The following PCDHA6 variants were observed in gnomAD, a reference collection of about 807,000 sequenced individuals.
PCDHA6 encodes the protein protocadherin alpha 6.
PCDHA6 carries 55 observed loss-of-function variants against 60.3 expected under a neutral mutation model. That is an observed-to-expected ratio of 0.91 (90% CI 0.73 to 1.14). The LOEUF is 1.14. PCDHA6 is among the 50% of genes most tolerant of loss of function. PCDHA6 has a pLI of 0.00. For synonymous variants in PCDHA6, 652 were observed against 557.9 expected (o/e 1.17, Z -2.38); for missense variants, 1,327 against 1,256.5 (o/e 1.06, Z -0.85).
At chr5:140,902,854 C>T (rs186872091) in intron 1 of PCDHA6, among the ~76,000 whole-genome samples, 154 of 152,240 alleles carry the variant, frequency 1.0e-3, no homozygotes, top group Middle Eastern at 3.4e-3. Flanking sequence ...AGAAAAATGG[C>T]GTCCAGGTCC....
intron 1 of PCDHA6, chr5:140,865,693 C>T (rs1274401482): frequency 6.6e-6 from 1 of 152,076 alleles, no homozygotes; most frequent in South Asian, 2.1e-4. Context: ...TATGACTGTT[C>T]CAATTTGAAA....
At chr5:140,856,185 G>T (rs1554148335) in intron 1 of PCDHA6, 1 of 1,598,044 alleles carries the variant, frequency 6.3e-7, no homozygotes, top group Non-Finnish European at 8.6e-7. Context: ...TTCGTGGGCC[G>T]CATCGCGCAG....
At chr5:140,906,589 C>T (rs2072764004) in intron 1 of PCDHA6, among the ~76,000 whole-genome samples, 1 of 152,220 alleles carries the variant, frequency 6.6e-6, no homozygotes, top group South Asian at 2.1e-4. Context: ...TGACTACCTT[C>T]CTCTACTACT....
intron 1 of PCDHA6, chr5:140,864,944 T>C (rs1359231248): frequency 1.3e-5 from 2 of 152,162 alleles, no homozygotes; most frequent in Non-Finnish European, 2.9e-5. Flanking sequence ...AGGCCTGTAA[T>C]CCCAGCATTT....
chr5:140,954,599 C>T (rs1554221480), intron 1 of PCDHA6, among the ~76,000 whole-genome samples: 1 of 152,042 alleles, frequency 6.6e-6, no homozygotes, highest in East Asian at 1.9e-4. Flanking sequence ...ATGTTCTTTG[C>T]CCACTTTTTA....
intron 1 of PCDHA6, among the ~76,000 whole-genome samples, chr5:140,925,279 C>T (rs1477579286): frequency 6.6e-6 from 1 of 152,058 alleles, no homozygotes; most frequent in African/African-American, 2.4e-5. Context: ...TCAGATTTTG[C>T]CTTTCAAATG....
intron 1 of PCDHA6, chr5:140,836,465 G>C (rs2150261625): frequency 6.2e-7 from 1 of 1,613,860 alleles, no homozygotes; most frequent in Admixed American, 1.7e-5. Context: ...CCGAGCTGGT[G>C]GATGTCAACG....
rs1361440512 is a variant in PCDHA6, at chr5:140,875,201, G to A, written c.2394+44716G>A. 5.0e-5 allele frequency: 30 copies of A among 595,474 alleles called. No homozygotes were observed. The East Asian group carries it at 1.1e-3, about 21-fold the overall frequency. 36.9% of individuals were successfully genotyped at this position (595,474 alleles called of 1,614,324 possible). A position where few individuals can be genotyped will look rare whatever the true frequency, so the allele number is the denominator to read the frequency against. On this transcript the variant is annotated intron_variant, in intron 1 of 3. Coordinates refer to ENST00000529310, the MANE Select transcript of PCDHA6 (RefSeq NM_018909.4). ...AGAATTAAGAGTGACCCAGGAAGTG[G>A]CTAAACCGAAAAGAACCTCAGGATC... is the stretch of plus-strand genomic sequence containing the variant.
In PCDHA6 at chr5:140,927,810, GGAGGCATACATT is replaced by G. The variant is rs782126534; in HGVS notation, c.2395-51133_2395-51122del. Reference sequence around the variant, plus strand: ...CACTAGGTCCGCCTGAAACGCTCTTGGAGGCATACATTGAGGCGAGGGACGAAGGTGTCTTTG... The same window carrying G: ...CACTAGGTCCGCCTGAAACGCTCTTGGAGGCGAGGGACGAAGGTGTCTTTG... On this transcript the variant is annotated intron_variant, in intron 1 of 3. Transcript: ENST00000529310. 3.7e-6 allele frequency: 6 copies of G among 1,614,082 alleles called. No individual in the cohort carries two copies. The South Asian group carries it at 6.6e-5, about 18-fold the overall frequency.
At chr5:140,898,706 G>T (rs1554188200) in intron 1 of PCDHA6, among the ~76,000 whole-genome samples, 1 of 152,170 alleles carries the variant, frequency 6.6e-6, no homozygotes, top group Admixed American at 6.5e-5. Context: ...CTTTAAAGTA[G>T]TTTTTTCCAA....
chr5:140,910,661 A>G (rs1289499574), intron 1 of PCDHA6, among the ~76,000 whole-genome samples: 1 of 152,186 alleles, frequency 6.6e-6, no homozygotes, highest in Non-Finnish European at 1.5e-5. Context: ...CTTCCTCTAC[A>G]TTAAACCAAG....
At chr5:140,926,863 G>T (rs2083606655) in intron 1 of PCDHA6, 6 of 1,523,054 alleles carry the variant, frequency 3.9e-6, no homozygotes, top group Non-Finnish European at 5.3e-6. Flanking sequence ...GGTGTAGCGT[G>T]TTGGTGGAAC....
At chr5:140,869,850 G>A in intron 1 of PCDHA6, 1 of 1,610,774 alleles carries the variant, frequency 6.2e-7, no homozygotes, top group South Asian at 1.1e-5. Flanking sequence ...AATATAAGGT[G>A]AGCCTTATGG....
rs905171455 is a variant in PCDHA6 at position 140,851,815 on chromosome 5, A to G, written c.2394+21330A>G. The G allele has an allele frequency of 3.6e-5, 34 of 956,734 alleles. 1 individual carries two copies. Among genetic ancestry groups the G allele is most frequent in the Non-Finnish European group, 5.1e-6 (4 of 790,598 alleles). The allele number at this position is 956,734 out of a possible 1,614,324, so 59.3% of individuals were successfully genotyped here. Reference sequence around the variant, plus strand: ...TTGTTCTGTCAGTAATCCATAAGACAGAAATCTGTTTTTTTAAAAATATCT... The same window carrying G: ...TTGTTCTGTCAGTAATCCATAAGACGGAAATCTGTTTTTTTAAAAATATCT... On this transcript the variant is annotated intron_variant, in intron 1 of 3. Coordinates refer to ENST00000529310, the MANE Select transcript of PCDHA6 (RefSeq NM_018909.4).
At chr5:140,843,243 A>T in intron 1 of PCDHA6, 1 of 1,595,128 alleles carries the variant, frequency 6.3e-7, no homozygotes, top group Non-Finnish European at 8.6e-7. Flanking sequence ...GACGAAGCGG[A>T]CTCTCCGCGC....
intron 1 of PCDHA6, chr5:140,882,302 C>T (rs2059055627): frequency 1.2e-6 from 2 of 1,613,794 alleles, no homozygotes; most frequent in Non-Finnish European, 8.5e-7. Context: ...CCCAAGACCG[C>T]GGCAACTACT....
At chr5:140,916,163 C>G (rs546851152) in intron 1 of PCDHA6, among the ~76,000 whole-genome samples, 1 of 152,066 alleles carries the variant, frequency 6.6e-6, no homozygotes, top group African/African-American at 2.4e-5. Context: ...TGAATGCTGC[C>G]AGGCCTGGGA....
Position 140,857,291 on chromosome 5 carries a change from G to A in PCDHA6, c.2394+26806G>A. 7 of 1,598,730 alleles carry A rather than the reference G, an allele frequency of 4.4e-6. 1 individual carries two copies. Among genetic ancestry groups the A allele is most frequent in the East Asian group, 4.5e-5 (2 of 44,850 alleles). On this transcript the variant is annotated intron_variant, in intron 1 of 3. Transcript: ENST00000529310. ...GGTGCTGGACAGCGCTCTGGACCGC[G>A]AGAGGGTGTCGGCCTATGAGCTGGT...
chr5:140,842,608 C>T lies in PCDHA6; in HGVS notation c.2394+12123C>T, dbSNP rs1251086188. On this transcript the variant is annotated intron_variant, in intron 1 of 3. Coordinates refer to ENST00000529310, the MANE Select transcript of PCDHA6 (RefSeq NM_018909.4). ...ATGAGTTGGTGGTAACCGCGCGGGA[C>T]GGGGGCTCGCCTTCGCTGTGGGCCA... The T allele has an allele frequency of 3.9e-6, 6 of 1,557,100 alleles. No homozygotes were observed. The African/African-American group carries it at 4.3e-5, about 11-fold the overall frequency.
Sources: allele counts gnomAD v4.1 joint callset (sites outside exome capture counted in the v4.1 genomes callset), GRCh38; gene constraint gnomAD v4.1.1; transcripts MANE v1.5; gene names NCBI Gene and HGNC (gene_info 2026-07-23, HGNC 2026-07-21).